Variants in SULT6B1 observed in about 807,000 individuals in gnomAD.
The protein encoded by SULT6B1 is sulfotransferase family 6B member 1.
A neutral mutation model predicts 37.2 loss-of-function variants in SULT6B1; 44 were observed. The ratio of observed to expected loss-of-function variants is 1.18; its 90% CI spans 0.93 to 1.52. The LOEUF is 1.52. SULT6B1 is among the 40% of genes most tolerant of loss of function. SULT6B1 has a pLI of 0.00. For missense variants in SULT6B1, 450 were observed against 361.0 expected, an observed-to-expected ratio of 1.25 and a Z score of -2.00; for synonymous variants, 140 against 126.0, an observed-to-expected ratio of 1.11 and a Z score of -0.74.
chr2:37,171,646 C>G lies in SULT6B1; in HGVS notation c.625-56G>C, dbSNP rs1042711169. ...CTTCCTATGGAAATTGTTCTCTGAG[C>G]TGAGACAGACTTTTTAGTCATCAGA... is the stretch of plus-strand genomic sequence containing the variant. On this transcript the variant is annotated intron_variant, in intron 5 of 6. Transcript: ENST00000535679. 2.3e-5 allele frequency: 35 copies of G among 1,546,644 alleles called. No individual in the cohort carries two copies. In the Middle Eastern group the frequency reaches 6.5e-4, roughly 29 times the overall value.
chr2:37,190,907 C>T (rs533625514), upstream of SULT6B1, among the ~76,000 whole-genome samples: 132 of 152,138 alleles, frequency 8.7e-4, no homozygotes, highest in African/African-American at 2.9e-3. Flanking sequence ...TGGGGCTCTG[C>T]ACTTGGTTTG....
At position 37,171,563 on chromosome 2, in the gene SULT6B1, C is replaced by T; in HGVS notation, c.652G>A (p.Ala218Thr). The T allele has an allele frequency of 1.2e-6, 2 of 1,613,722 alleles. No homozygotes were observed. The highest frequency in any genetic ancestry group is 1.7e-6 in the Non-Finnish European group (2 of 1,179,888). The change falls in exon 6 of 7, where the codon GCT becomes ACT. Residue 218 changes from alanine to threonine, a missense_variant. By Grantham distance (58) the Ala-to-Thr change is moderately conservative (BLOSUM62 0). Coordinates refer to ENST00000535679, the MANE Select transcript of SULT6B1 (RefSeq NM_001367551.1). ...ENLAAGIKQIAEFLGFFLTGE... is the reference protein window; with the variant it reads ...ENLAAGIKQITEFLGFFLTGE... ...GTTAGAAAGAATCCCAAGAACTCAG[C>T]AATCTGTTTTATTCCAGCAGCCAGA...
In SULT6B1 at chr2:37,175,281, G is replaced by T; in HGVS notation, c.530-55C>A. ...AATGTCAAATAACTGAGGTTAAAAT[G>T]ATCATTAATTTATGCTATAAAATAT... On this transcript the variant is annotated intron_variant, in intron 4 of 6. Coordinates refer to ENST00000535679, the MANE Select transcript of SULT6B1 (RefSeq NM_001367551.1). The T allele has an allele frequency of 6.1e-6, 6 of 980,670 alleles. No homozygotes were observed. In the South Asian group the frequency reaches 1.0e-4, roughly 16 times the overall value. The allele number at this position is 980,670 out of a possible 1,614,324, so 60.7% of individuals were successfully genotyped here.
upstream of SULT6B1, among the ~76,000 whole-genome samples, chr2:37,193,208 C>T (rs1332300620): frequency 6.6e-6 from 1 of 151,364 alleles, no homozygotes; most frequent in East Asian, 1.9e-4. Flanking sequence ...ATAATACCAG[C>T]ACTTTGGGAG....
At chr2:37,191,208 G>C (rs1000760215), upstream of SULT6B1, 4 of 139,382 alleles carry the variant, frequency 2.9e-5, no homozygotes, top group Non-Finnish European at 4.5e-5. Context: ...TGAATTCTTT[G>C]GTTCTTCTTT....
chr2:37,168,086 T>C (rs1029464313), intron 6 of SULT6B1, 21 bp from the exon 7 acceptor site: 2 of 1,557,278 alleles, frequency 1.3e-6, no homozygotes, highest in Admixed American at 2.2e-5. Context: ...CAAAAAACAG[T>C]AGACCCAGAT....
At chr2:37,184,717 A>T (rs1320248414) in intron 2 of SULT6B1, among the ~76,000 whole-genome samples, 1 of 152,196 alleles carries the variant, frequency 6.6e-6, no homozygotes, top group Non-Finnish European at 1.5e-5. Flanking sequence ...CTGTAGTCCC[A>T]GCTACTCAGG....
At chr2:37,172,250 A>G (rs1676320326) in intron 5 of SULT6B1, among the ~76,000 whole-genome samples, 1 of 151,966 alleles carries the variant, frequency 6.6e-6, no homozygotes, top group South Asian at 2.1e-4. Context: ...GGGTTTCGCC[A>G]TGTTGCCCAG....
At chr2:37,170,696 C>T (rs1413473143) in intron 6 of SULT6B1, among the ~76,000 whole-genome samples, 1 of 146,018 alleles carries the variant, frequency 6.8e-6, no homozygotes, top group African/African-American at 2.5e-5. Flanking sequence ...CAAGATTGTG[C>T]CACTGCATTC....
intron 1 of SULT6B1, among the ~76,000 whole-genome samples, chr2:37,187,913 G>C (rs1054626384): frequency 1.3e-5 from 2 of 152,138 alleles, no homozygotes; most frequent in Non-Finnish European, 2.9e-5. Flanking sequence ...ACAGTAGAAA[G>C]AATCAAAAGG....
chr2:37,173,216 A>G (rs1309435359), intron 5 of SULT6B1, among the ~76,000 whole-genome samples: 1 of 152,130 alleles, frequency 6.6e-6, no homozygotes, highest in Non-Finnish European at 1.5e-5. Flanking sequence ...CAATTAAGTT[A>G]AGGAGCACTT....
chr2:37,188,941 A>T (rs918302530), upstream of SULT6B1, among the ~76,000 whole-genome samples: 1 of 152,368 alleles, frequency 6.6e-6, no homozygotes, highest in Non-Finnish European at 1.5e-5. Context: ...TATATTAAAT[A>T]TCTAACAAAT....
intron 3 of SULT6B1, among the ~76,000 whole-genome samples, chr2:37,181,568 C>T (rs886185528): frequency 1.3e-5 from 2 of 151,810 alleles, no homozygotes; most frequent in East Asian, 1.9e-4. Context: ...TTTGTAGAGA[C>T]AGGGGTCTCA....
Position 37,175,236 on chromosome 2 carries a change from CA to C in SULT6B1, c.530-11del, listed in dbSNP as rs763384092. The C allele has an allele frequency of 2.0e-6, 3 of 1,514,486 alleles. No individual in the cohort carries two copies. The South Asian group carries it at 3.7e-5, about 19-fold the overall frequency. The allele number at this position is 1,514,486 out of a possible 1,614,324, so 93.8% of individuals were successfully genotyped here. A position where few individuals can be genotyped will look rare whatever the true frequency, so the allele number is the denominator to read the frequency against. On this transcript the variant is annotated splice_polypyrimidine_tract_variant and intron_variant, in intron 4 of 6. Coordinates refer to ENST00000535679, the MANE Select transcript of SULT6B1 (RefSeq NM_001367551.1). Reference sequence around the variant, plus strand: ...TACCTTCCCCAAGAAACTAAAAACACAGGGGGGAAGACTTTAAGAAATGTCA... The same window carrying C: ...TACCTTCCCCAAGAAACTAAAAACACGGGGGGAAGACTTTAAGAAATGTCA...
At chr2:37,170,422 G>A (rs528564961) in intron 6 of SULT6B1, among the ~76,000 whole-genome samples, 3 of 151,754 alleles carry the variant, frequency 2.0e-5, no homozygotes, top group South Asian at 2.1e-4. Context: ...AGCCGAGATC[G>A]CACTACCACA....
intron 1 of SULT6B1, among the ~76,000 whole-genome samples, chr2:37,187,873 GAT>G (rs1676707611): frequency 6.6e-6 from 1 of 151,906 alleles, no homozygotes; most frequent in Non-Finnish European, 1.5e-5. Flanking sequence ...AAGAAAAAAA[GAT>G]ATTAAATGAG....
Position 37,180,754 on chromosome 2 carries a change from T to C in SULT6B1, c.403-1170A>G, listed in dbSNP as rs188103890. Among the ~76,000 whole-genome samples, 116 of 152,210 alleles carry C rather than the reference T, an allele frequency of 7.6e-4. 1 individual carries two copies. The East Asian group carries it at 0.017, about 23-fold the overall frequency. ...CAAAAATTAGCCAGGCGCAGTGTTG[T>C]GCACCTGTAGTCTCAGCTACTCGGG... On this transcript the variant is annotated intron_variant, in intron 3 of 6. Coordinates refer to ENST00000535679, the MANE Select transcript of SULT6B1 (RefSeq NM_001367551.1).
At chr2:37,178,180 G>T (rs997856893) in intron 4 of SULT6B1, among the ~76,000 whole-genome samples, 30 of 152,220 alleles carry the variant, frequency 2.0e-4, no homozygotes, top group African/African-American at 7.2e-4. Context: ...AAGTAGCTGA[G>T]ATTACAGGCA....
At chr2:37,186,451 A>T (rs1480244932) in intron 2 of SULT6B1, among the ~76,000 whole-genome samples, 1 of 152,134 alleles carries the variant, frequency 6.6e-6, no homozygotes, top group Non-Finnish European at 1.5e-5. Context: ...TCCAAGACCC[A>T]GTTAGTTGTA....
Sources: gnomAD v4.1 joint callset for allele counts (sites outside exome capture counted in the v4.1 genomes callset) on GRCh38, gnomAD v4.1.1 for gene constraint, MANE v1.5 for transcripts, NCBI Gene and HGNC (gene_info 2026-07-23, HGNC 2026-07-21) for gene names.